The following DIAPH3 variants were observed in gnomAD, a reference collection of about 807,000 sequenced individuals.
DIAPH3 encodes protein diaphanous homolog 3.
A neutral mutation model predicts 144.3 loss-of-function variants in DIAPH3; 117 were observed. That is an observed-to-expected ratio of 0.81 (90% confidence interval 0.70 to 0.95). The LOEUF (loss-of-function observed/expected upper bound fraction) is 0.95. Ranked by LOEUF, DIAPH3 falls within the 40% of genes least tolerant of loss-of-function variation. The probability of loss-of-function intolerance (pLI) is 0.00; values close to 1 mark genes in which losing one functional copy is unlikely to be tolerated. For synonymous variants in DIAPH3, 519 were observed against 488.9 expected (o/e 1.06, Z -0.81); for missense variants, 1,421 against 1,412.7 (o/e 1.01, Z -0.09).
In DIAPH3 at chr13:59,906,228, T is replaced by C. The variant is rs2046730518; in HGVS notation, c.2367+5507A>G. 2.0e-5 allele frequency among the ~76,000 whole-genome samples: 3 copies of C among 152,298 alleles called. No homozygotes were observed. In the South Asian group the frequency reaches 6.2e-4, roughly 32 times the overall value. On this transcript the variant is annotated intron_variant, in intron 20 of 27. Coordinates refer to ENST00000400324, the MANE Select transcript of DIAPH3 (RefSeq NM_001042517.2). ...ATGATTAAAAGGAAAAATCATAATA[T>C]GGGCTATGAAATAAAATGCACGAAT...
chr13:60,163,509 T>A, intron 1 of DIAPH3, 78 bp downstream of exon 1: 2 of 1,566,488 alleles, frequency 1.3e-6, no homozygotes, highest in East Asian at 2.3e-5. Context: ...GGTCCCCAAG[T>A]TCTTGTGGGC....
chr13:60,025,841 T>G (rs2054336810), intron 5 of DIAPH3, among the ~76,000 whole-genome samples: 1 of 151,852 alleles, frequency 6.6e-6, no homozygotes, highest in Non-Finnish European at 1.5e-5. Flanking sequence ...AAAAACTGTG[T>G]GCCATAAACA....
intron 4 of DIAPH3, among the ~76,000 whole-genome samples, chr13:60,065,209 A>G (rs1594560907): frequency 6.6e-6 from 1 of 151,262 alleles, no homozygotes; most frequent in East Asian, 1.9e-4. Context: ...AAATGGCATC[A>G]ATAGGTTTGC....
intron 4 of DIAPH3, among the ~76,000 whole-genome samples, chr13:60,053,435 C>T (rs1459928943): frequency 6.6e-6 from 1 of 152,044 alleles, no homozygotes; most frequent in African/African-American, 2.4e-5. Context: ...TTCTAAAATA[C>T]CAAATGCAGC....
At chr13:59,833,690 C>A (rs1456438279) in intron 23 of DIAPH3, among the ~76,000 whole-genome samples, 1 of 151,706 alleles carries the variant, frequency 6.6e-6, no homozygotes, top group East Asian at 1.9e-4. Context: ...GGATCAATTT[C>A]TAGCTCCTAT....
chr13:60,066,697 C>T (rs1459399892), intron 4 of DIAPH3, among the ~76,000 whole-genome samples: 2 of 152,094 alleles, frequency 1.3e-5, no homozygotes, highest in African/African-American at 4.8e-5. Flanking sequence ...TTACATAATC[C>T]CTGCCCTCAA....
chr13:59,757,001 A>G (rs2037313378), intron 27 of DIAPH3, among the ~76,000 whole-genome samples: 1 of 152,202 alleles, frequency 6.6e-6, no homozygotes, highest in Admixed American at 6.5e-5. Context: ...AGAAATACTG[A>G]GAAGGTTCTC....
intron 25 of DIAPH3, among the ~76,000 whole-genome samples, chr13:59,786,874 T>G (rs1417057914): frequency 6.6e-6 from 1 of 152,066 alleles, no homozygotes; most frequent in Non-Finnish European, 1.5e-5. Flanking sequence ...CTTGGGAGAC[T>G]GAGGCAGGAG....
chr13:59,742,797 A>T (rs1444759330), intron 27 of DIAPH3, among the ~76,000 whole-genome samples: 1 of 152,130 alleles, frequency 6.6e-6, no homozygotes, highest in Non-Finnish European at 1.5e-5. Context: ...CTTATATTTG[A>T]TGTTGATATT....
chr13:59,972,945 G>A (rs1388483195), intron 15 of DIAPH3, among the ~76,000 whole-genome samples: 2 of 152,046 alleles, frequency 1.3e-5, no homozygotes, highest in African/African-American at 2.4e-5. Context: ...ACAAAAAGAA[G>A]GATCTTAAGA....
At chr13:60,033,966 T>G (rs1037413247) in intron 5 of DIAPH3, among the ~76,000 whole-genome samples, 20 of 152,212 alleles carry the variant, frequency 1.3e-4, no homozygotes, top group African/African-American at 4.8e-4. Flanking sequence ...CCTTTCTTCA[T>G]GTATAGATAT....
At chr13:59,883,109 C>T (rs1190609251) in intron 20 of DIAPH3, among the ~76,000 whole-genome samples, 2 of 152,154 alleles carry the variant, frequency 1.3e-5, no homozygotes, top group African/African-American at 2.4e-5. Context: ...CAAGTATTGA[C>T]TGGGCCCCAT....
intron 27 of DIAPH3, among the ~76,000 whole-genome samples, chr13:59,768,808 A>G (rs1027432171): frequency 6.6e-6 from 1 of 152,192 alleles, no homozygotes; most frequent in Non-Finnish European, 1.5e-5. Flanking sequence ...AAAAATAGAT[A>G]ATCAAATCCA....
intron 24 of DIAPH3, among the ~76,000 whole-genome samples, chr13:59,830,049 C>T (rs2139701272): frequency 6.6e-6 from 1 of 151,974 alleles, no homozygotes; most frequent in Middle Eastern, 3.4e-3. Flanking sequence ...ATTTCCAGAA[C>T]AAGATCTTCA....
chr13:60,128,935 G>T (rs1424887033), intron 2 of DIAPH3, among the ~76,000 whole-genome samples: 2 of 152,054 alleles, frequency 1.3e-5, no homozygotes, highest in Non-Finnish European at 2.9e-5. Flanking sequence ...TGCATGCCAG[G>T]CTACAAAATA....
At chr13:60,005,861 C>A (rs1051769475) in intron 9 of DIAPH3, among the ~76,000 whole-genome samples, 3 of 152,004 alleles carry the variant, frequency 2.0e-5, no homozygotes, top group Non-Finnish European at 2.9e-5. Flanking sequence ...AGAAATTAAA[C>A]CTGTATCAAA....
chr13:59,989,461 C>T (rs1479574007), intron 12 of DIAPH3, among the ~76,000 whole-genome samples: 3 of 151,610 alleles, frequency 2.0e-5, no homozygotes, highest in Non-Finnish European at 4.4e-5. Flanking sequence ...GAGGAAAAAA[C>T]TGATGGAGTT....
intron 27 of DIAPH3, among the ~76,000 whole-genome samples, chr13:59,697,317 G>A (rs560521275): frequency 6.6e-6 from 1 of 151,446 alleles, no homozygotes; most frequent in Non-Finnish European, 1.5e-5. Flanking sequence ...AAAATTAGCC[G>A]GGCGTGGTGG....
intron 5 of DIAPH3, among the ~76,000 whole-genome samples, chr13:60,037,343 T>C (rs1349098121): frequency 6.6e-6 from 1 of 151,960 alleles, no homozygotes; most frequent in Non-Finnish European, 1.5e-5. Context: ...ACAGTTATAA[T>C]ATGACTCAAT....
Sources: gnomAD v4.1 joint callset for allele counts (sites outside exome capture counted in the v4.1 genomes callset) on GRCh38, gnomAD v4.1.1 for gene constraint, MANE v1.5 for transcripts, NCBI Gene and HGNC (gene_info 2026-07-23, HGNC 2026-07-21) for gene names.